HERC5: variants seen among roughly 807,000 people sequenced by gnomAD.
HERC5 encodes the protein E3 ISG15--protein ligase HERC5.
HERC5 carries 99 observed loss-of-function variants against 119.6 expected under a neutral mutation model. The ratio of observed to expected loss-of-function variants is 0.83; its 90% confidence interval spans 0.70 to 0.98. The LOEUF (loss-of-function observed/expected upper bound fraction) is 0.98, where lower values mean the gene tolerates loss of function less well. HERC5 is among the 50% of genes least tolerant of loss of function. The probability of loss-of-function intolerance (pLI) is 0.00; values close to 1 mark genes in which losing one functional copy is unlikely to be tolerated. For synonymous variants in HERC5, 478 were observed against 445.9 expected, an observed-to-expected ratio of 1.07 and a Z score of -0.91; for missense variants, 1,267 against 1,241.3, an observed-to-expected ratio of 1.02 and a Z score of -0.31.
chr4:88,498,311 T>G (rs183073789), intron 18 of HERC5, among the ~76,000 whole-genome samples: 1 of 152,154 alleles, frequency 6.6e-6, no homozygotes, highest in Non-Finnish European at 1.5e-5. Context: ...AACACTAATG[T>G]GTGAGAGCCT....
intron 1 of HERC5, chr4:88,458,097 C>G: frequency 1.0e-6 from 1 of 984,650 alleles, no homozygotes. Flanking sequence ...CGTTTGCGTT[C>G]CTTTTTCGGT....
Position 88,505,924 on chromosome 4 carries a change from T to C in HERC5, c.*46T>C. On this transcript the variant is annotated 3_prime_UTR_variant, in exon 23 of 23. Coordinates refer to ENST00000264350, the MANE Select transcript of HERC5 (RefSeq NM_016323.4). ...CCTTATTTTGTTGTTGTTATCGTTG[T>C]TGTTGTTGTTGTTGTTGTTGTTTCT... 7.6e-7 allele frequency: 1 copy of C among 1,313,800 alleles called. No homozygotes were observed. The highest frequency in any genetic ancestry group is 1.1e-6 in the Non-Finnish European group (1 of 940,872). The allele number at this position is 1,313,800 out of a possible 1,614,324, so 81.4% of individuals were successfully genotyped here. A position where few individuals can be genotyped will look rare whatever the true frequency, so the allele number is the denominator to read the frequency against.
Position 88,500,894 on chromosome 4 carries a change from TG to T in HERC5, c.2512-20del. On this transcript the variant is annotated intron_variant, in intron 19 of 22. Coordinates refer to ENST00000264350, the MANE Select transcript of HERC5 (RefSeq NM_016323.4). Reference sequence around the variant, plus strand: ...TCAGAATTATGTTGGAGATATTATCTGAGTTCATTTGCGGTTACAGGTGCAC... The same window carrying T: ...TCAGAATTATGTTGGAGATATTATCTAGTTCATTTGCGGTTACAGGTGCAC... 6.3e-7 allele frequency: 1 copy of T among 1,577,816 alleles called. No individual in the cohort carries two copies. Among genetic ancestry groups the T allele is most frequent in the East Asian group, 2.2e-5 (1 of 44,574 alleles).
At chr4:88,475,462 G>A (rs1741029033) in intron 11 of HERC5, among the ~76,000 whole-genome samples, 1 of 151,552 alleles carries the variant, frequency 6.6e-6, no homozygotes, top group African/African-American at 2.4e-5. Context: ...GGGACTACAG[G>A]CACGCACCGT....
At chr4:88,501,374 G>A (rs548227121) in intron 20 of HERC5, among the ~76,000 whole-genome samples, 86 of 152,174 alleles carry the variant, frequency 5.7e-4, no homozygotes, top group African/African-American at 1.8e-3. Flanking sequence ...ATTCTTCACC[G>A]CTGTATATTC....
At chr4:88,479,299 A>T (rs1202882457) in intron 12 of HERC5, 54 bp from the exon 13 acceptor site, 1 of 1,451,702 alleles carries the variant, frequency 6.9e-7, no homozygotes, top group East Asian at 2.4e-5. Flanking sequence ...AAAAAAAAAA[A>T]AAAGCACAAT....
At chr4:88,481,829 C>G (rs1228742767) in intron 13 of HERC5, among the ~76,000 whole-genome samples, 5 of 152,166 alleles carry the variant, frequency 3.3e-5, no homozygotes, top group African/African-American at 1.2e-4. Flanking sequence ...AGATAGTATT[C>G]TAAGAGGACA....
chr4:88,479,849 C>T (rs796927408), intron 13 of HERC5, among the ~76,000 whole-genome samples: 2 of 151,992 alleles, frequency 1.3e-5, no homozygotes, highest in Admixed American at 6.6e-5. Flanking sequence ...GGGCGGATCA[C>T]GAGGTCAGGA....
At position 88,463,977 on chromosome 4, in the gene HERC5, A is replaced by G. The variant is rs759119934; in HGVS notation, c.903A>G (p.Ala301=). 1 of 1,612,960 alleles carries G rather than the reference A, an allele frequency of 6.2e-7. No homozygotes were observed. The highest frequency in any genetic ancestry group is 1.7e-5 in the Admixed American group (1 of 59,854). Residue 301 remains alanine (A), a synonymous_variant, in exon 6 of 23, where the codon GCA becomes GCG. Transcript: ENST00000264350. ...TTGGGTATAGAGTGACTCAGATAGC[A>G]TGTGGAAGGTAAGTTGTAAAGTATC... ...ELVGYRVTQI[A]CGRWHTLAYV...
chr4:88,505,334 A>G (rs1280151057), intron 22 of HERC5, among the ~76,000 whole-genome samples: 5 of 152,198 alleles, frequency 3.3e-5, no homozygotes, highest in Admixed American at 1.3e-4. Flanking sequence ...CAGTCATCCC[A>G]GCCTGGCTCT....
intron 16 of HERC5, 107 bp downstream of exon 16, chr4:88,489,443 G>A: frequency 4.5e-6 from 5 of 1,118,620 alleles, no homozygotes; most frequent in Non-Finnish European, 6.3e-6. Flanking sequence ...TTGCCACAGA[G>A]GTTGTTTATT....
intron 6 of HERC5, among the ~76,000 whole-genome samples, chr4:88,465,487 A>G (rs1740629205): frequency 1.3e-5 from 2 of 152,238 alleles, no homozygotes; most frequent in Non-Finnish European, 2.9e-5. Context: ...AATGGGTAAT[A>G]TTATTAAGGT....
intron 11 of HERC5, among the ~76,000 whole-genome samples, chr4:88,472,797 A>G (rs1740921101): frequency 6.6e-6 from 1 of 152,234 alleles, no homozygotes; most frequent in African/African-American, 2.4e-5. Flanking sequence ...CTTTAGGAAG[A>G]TGATTAAGGA....
At chr4:88,479,278 C>G (rs1741190791) in intron 12 of HERC5, 75 bp from the exon 13 acceptor site, 4 of 1,203,414 alleles carry the variant, frequency 3.3e-6, no homozygotes, top group Non-Finnish European at 4.5e-6. Flanking sequence ...GGGTGAGACT[C>G]TGTCTCAAAA....
Position 88,479,511 on chromosome 4 carries a change from A to G in HERC5, c.1737+4A>G, listed in dbSNP as rs1453522186. 1.2e-5 allele frequency: 18 copies of G among 1,560,196 alleles called. No homozygotes were observed. The highest frequency in any genetic ancestry group is 1.6e-5 in the Non-Finnish European group (18 of 1,158,466). On this transcript the variant is annotated splice_donor_region_variant and intron_variant, in intron 13 of 22. Transcript: ENST00000264350. ...AATGTTGAAGAAGCTGCACAGGGTA[A>G]GAGTTCCTTTAGAAACCTCTGTGTT...
intron 19 of HERC5, among the ~76,000 whole-genome samples, chr4:88,500,515 C>T (rs553318638): frequency 2.6e-5 from 4 of 152,372 alleles, no homozygotes; most frequent in African/African-American, 9.6e-5. Context: ...TGCCGAGATT[C>T]AGTGGCTGAA....
At position 88,493,025 on chromosome 4, in the gene HERC5, G is replaced by A. The variant is rs370002822; in HGVS notation, c.2147G>A (p.Gly716Glu). 29 of 1,613,644 alleles carry A rather than the reference G, an allele frequency of 1.8e-5. No individual in the cohort carries two copies. Among genetic ancestry groups the A allele is most frequent in the Non-Finnish European group, 2.5e-5 (29 of 1,179,822 alleles). The part of the protein sequence containing the change: ...LRKELWVSFS[G>E]EIGYDLGGVK... ...CTGTTTCCTCAGGTTTCATTTAGTG[G>A]AGAAATTGGGTATGACCTCGGAGGA... is the stretch of plus-strand genomic sequence containing the variant. The change falls in exon 17 of 23, where the codon GGA becomes GAA. Residue 716 changes from glycine (G) to glutamate (E), a missense_variant. By Grantham distance (98) the Gly-to-Glu change is moderately conservative. Transcript: ENST00000264350.
intron 12 of HERC5, among the ~76,000 whole-genome samples, chr4:88,478,716 G>C (rs894369327): frequency 6.6e-6 from 1 of 152,000 alleles, no homozygotes; most frequent in Non-Finnish European, 1.5e-5. Context: ...GTCTCAAGCG[G>C]TTCTCCCACC....
At chr4:88,495,522 T>C (rs1741772242) in intron 18 of HERC5, among the ~76,000 whole-genome samples, 3 of 151,998 alleles carry the variant, frequency 2.0e-5, no homozygotes, top group Non-Finnish European at 4.4e-5. Context: ...ATCATACCAC[T>C]GCACTCCAGC....
Sources: allele counts gnomAD v4.1 joint callset (sites outside exome capture counted in the v4.1 genomes callset), GRCh38; gene constraint gnomAD v4.1.1; transcripts MANE v1.5; gene names NCBI Gene and HGNC (gene_info 2026-07-23, HGNC 2026-07-21).